Variants in CEP83 observed in about 807,000 individuals in gnomAD.
CEP83 encodes centrosomal protein 83.
Under a neutral mutation model 101.9 loss-of-function variants are expected in CEP83, and 70 were observed. The ratio of observed to expected loss-of-function variants is 0.69; its 90% CI spans 0.57 to 0.84. The LOEUF is 0.84. Among genes scored for constraint, CEP83 ranks in the 40% least tolerant of loss-of-function variants. The pLI, the probability that CEP83 is intolerant of heterozygous loss-of-function variation, is 0.00. For synonymous variants in CEP83, 264 were observed against 267.9 expected (o/e 0.99, Z 0.14); for missense variants, 715 against 787.2 (o/e 0.91, Z 1.10).
intron 2 of CEP83, among the ~76,000 whole-genome samples, chr12:94,423,246 G>A (rs117868072): frequency 0.085 from 12,896 of 151,994 alleles, 641 homozygotes; most frequent in Middle Eastern, 0.15. Context: ...CAGCACACCC[G>A]GCTGATTTTG....
intron 14 of CEP83, among the ~76,000 whole-genome samples, chr12:94,323,162 C>T (rs2058821296): frequency 6.6e-6 from 1 of 152,184 alleles, no homozygotes; most frequent in Non-Finnish European, 1.5e-5. Flanking sequence ...CAGACTGTCA[C>T]TGCTCTATCC....
intron 1 of CEP83, among the ~76,000 whole-genome samples, chr12:94,448,111 A>AT (rs1555268681): frequency 1.3e-5 from 2 of 152,052 alleles, no homozygotes; most frequent in African/African-American, 4.8e-5. Context: ...AATTAAAAGG[A>AT]TTTTTTTAAA....
intron 4 of CEP83, among the ~76,000 whole-genome samples, chr12:94,411,337 T>A (rs1021449349): frequency 1.3e-5 from 2 of 152,178 alleles, no homozygotes; most frequent in Non-Finnish European, 2.9e-5. Context: ...TGTCCTTTTT[T>A]AGCTTTCAGT....
the CEP83 span, chr12:94,282,201 TACC>T: frequency 3.8e-6 from 3 of 792,074 alleles, no homozygotes; most frequent in Non-Finnish European, 6.5e-6. Flanking sequence ...AACAAAGATT[TACC>T]ACTTTATTCA....
In CEP83 at chr12:94,335,635, A is replaced by G; in HGVS notation, c.1373T>C (p.Ile458Thr). The G allele has an allele frequency of 3.8e-6, 6 of 1,588,322 alleles. No homozygotes were observed. The highest frequency in any genetic ancestry group is 5.1e-6 in the Non-Finnish European group (6 of 1,167,172). ...ATTTTTTTCCTTCTCTGCATTTTCA[A>G]TAGTCACAATTTGTTGCTGAAGTTT... The part of the protein sequence containing the change: ...RLKLQQQIVT[I>T]ENAEKEKNEN... The change falls in exon 12 of 17, where the codon ATT becomes ACT. Residue 458 changes from isoleucine to threonine, a missense_variant. By Grantham distance (89) the Ile-to-Thr change is moderately conservative. Coordinates refer to ENST00000397809, the MANE Select transcript of CEP83 (RefSeq NM_016122.3).
intron 11 of CEP83, among the ~76,000 whole-genome samples, chr12:94,364,388 T>C (rs906693860): frequency 6.6e-6 from 1 of 152,142 alleles, no homozygotes; most frequent in Admixed American, 6.6e-5. Flanking sequence ...AACAAACATA[T>C]AATTATAGCT....
intron 2 of CEP83, among the ~76,000 whole-genome samples, chr12:94,432,298 G>C (rs897409731): frequency 7.9e-5 from 12 of 151,664 alleles, no homozygotes; most frequent in Non-Finnish European, 1.5e-5. Context: ...TCCTGGCCTC[G>C]TGATCCGCCC....
the CEP83 span, among the ~76,000 whole-genome samples, chr12:94,290,555 T>G: frequency 3.3e-5 from 5 of 152,086 alleles, no homozygotes; most frequent in Non-Finnish European, 7.4e-5. Flanking sequence ...ACACCAGCAG[T>G]TGGAGGCCTC....
At chr12:94,433,602 G>A (rs1406856065) in intron 2 of CEP83, among the ~76,000 whole-genome samples, 1 of 151,578 alleles carries the variant, frequency 6.6e-6, no homozygotes, top group Non-Finnish European at 1.5e-5. Context: ...GATCGCTTGA[G>A]CCCAGGAGGG....
intron 1 of CEP83, among the ~76,000 whole-genome samples, chr12:94,447,187 A>G (rs1269251910): frequency 1.3e-5 from 2 of 152,186 alleles, no homozygotes; most frequent in African/African-American, 4.8e-5. Context: ...ATAACAATGG[A>G]AGTCCCTCAG....
intron 2 of CEP83, among the ~76,000 whole-genome samples, chr12:94,413,677 C>T (rs1593848154): frequency 6.6e-6 from 1 of 152,088 alleles, no homozygotes; most frequent in Non-Finnish European, 1.5e-5. Flanking sequence ...CACCTATCTC[C>T]AAAAGCACTG....
intron 11 of CEP83, among the ~76,000 whole-genome samples, chr12:94,342,156 G>A (rs4761606): frequency 0.58 from 88,815 of 152,050 alleles, 26,072 homozygotes; most frequent in African/African-American, 0.64. Context: ...ACCTAAGTAA[G>A]TAATAAGTAT....
At chr12:94,358,977 G>A (rs1413388922) in intron 11 of CEP83, among the ~76,000 whole-genome samples, 1 of 152,244 alleles carries the variant, frequency 6.6e-6, no homozygotes, top group South Asian at 2.1e-4. Context: ...GGCCCGCCCA[G>A]GGCAGAAAAC....
At chr12:94,327,300 A>G (rs1459197969) in intron 14 of CEP83, among the ~76,000 whole-genome samples, 1 of 152,158 alleles carries the variant, frequency 6.6e-6, no homozygotes, top group Non-Finnish European at 1.5e-5. Flanking sequence ...TTTTTCAATG[A>G]TCATGTTAAT....
At chr12:94,392,873 T>C (rs529120160) in intron 6 of CEP83, among the ~76,000 whole-genome samples, 85 of 152,306 alleles carry the variant, frequency 5.6e-4, no homozygotes, top group African/African-American at 1.8e-3. Context: ...CTGCAAAATC[T>C]AGGAGAAATG....
intron 2 of CEP83, among the ~76,000 whole-genome samples, chr12:94,417,620 C>T (rs2064381106): frequency 6.6e-6 from 1 of 152,064 alleles, no homozygotes; most frequent in Non-Finnish European, 1.5e-5. Context: ...AAAACCCCAT[C>T]TCTACTAAAA....
chr12:94,316,014 T>C (rs1970629677), intron 14 of CEP83, among the ~76,000 whole-genome samples: 2 of 152,168 alleles, frequency 1.3e-5, no homozygotes, highest in Non-Finnish European at 2.9e-5. Flanking sequence ...AATTTTAGAA[T>C]CTACTTTCTA....
At chr12:94,414,424 CTAAA>C (rs1274156310) in intron 2 of CEP83, among the ~76,000 whole-genome samples, 1 of 152,230 alleles carries the variant, frequency 6.6e-6, no homozygotes, top group Non-Finnish European at 1.5e-5. Context: ...CAGCAACCAT[CTAAA>C]TAGTTAGCAG....
chr12:94,383,821 T>C (rs938391270), intron 6 of CEP83, among the ~76,000 whole-genome samples: 5 of 152,136 alleles, frequency 3.3e-5, no homozygotes, highest in African/African-American at 9.6e-5. Context: ...TAACTTATCA[T>C]GGTCTACTGA....
Sources: gnomAD v4.1 joint callset for allele counts (sites outside exome capture counted in the v4.1 genomes callset) on GRCh38, gnomAD v4.1.1 for gene constraint, MANE v1.5 for transcripts, NCBI Gene and HGNC (gene_info 2026-07-23, HGNC 2026-07-21) for gene names.